Variants in SKOR2 observed in about 807,000 individuals in gnomAD.
The protein encoded by SKOR2 is LBX1 corepressor 1-like protein.
Under a neutral mutation model 69.1 loss-of-function variants are expected in SKOR2, and 47 were observed. The ratio of observed to expected loss-of-function variants is 0.68; its 90% CI spans 0.54 to 0.87. The LOEUF is 0.87. Ranked by LOEUF, SKOR2 falls within the 40% of genes least tolerant of loss-of-function variation. The pLI, the probability that SKOR2 is intolerant of heterozygous loss-of-function variation, is 0.00. For missense variants in SKOR2, 1,404 were observed against 1,472.2 expected, an observed-to-expected ratio of 0.95 and a Z score of 0.76; for synonymous variants, 717 against 672.6, an observed-to-expected ratio of 1.07 and a Z score of -1.02.
At chr18:47,235,780 C>CAAAAAAAAAAAAAAAAAAAAAA (rs11433396) in intron 4 of SKOR2, among the ~76,000 whole-genome samples, 4 of 59,278 alleles carry the variant, frequency 6.7e-5, no homozygotes, top group Non-Finnish European at 7.3e-5. Context: ...CACAAACAAG[C>CAAAAAAAAAAAAAAAAAAAAAA]AAAAAAAAAA....
chr18:47,215,859 A>G (rs1379531516), intron 7 of SKOR2, among the ~76,000 whole-genome samples: 4 of 152,184 alleles, frequency 2.6e-5, no homozygotes, highest in Non-Finnish European at 5.9e-5. Context: ...CAGCATCACA[A>G]CGTTCTCCAA....
Position 47,247,734 on chromosome 18 carries a change from A to G in SKOR2, c.1450T>C (p.Tyr484His). 7.3e-7 allele frequency: 1 copy of G among 1,364,724 alleles called. No individual in the cohort carries two copies. Among genetic ancestry groups the G allele is most frequent in the Non-Finnish European group, 9.3e-7 (1 of 1,069,654 alleles). The allele number at this position is 1,364,724 out of a possible 1,614,324, so 84.5% of individuals were successfully genotyped here. ...GGCGGCTGAGGCGGGGGCTGCAGGT[A>G]GGTGGGCACCGGGAGCCCGCCAGGG... ...RTPGGLPVPT[Y>H]LQPPPQPPSA... Residue 484 changes from tyrosine to histidine, a missense_variant, in exon 2 of 9, where the codon TAC (tyrosine) becomes CAC (histidine). By Grantham distance (83) the Tyr-to-His change is moderately conservative. Around this residue, in one of 3 missense-constraint regions of SKOR2, gnomAD observed 1,266 missense variants for 1,309.9 expected, o/e 0.97. Coordinates refer to ENST00000425639, the MANE Select transcript of SKOR2 (RefSeq NM_001278063.4). This position sits in a 1 kb window ranked among gnomAD's most constrained non-coding sequence, Gnocchi z 6.6.
At chr18:47,230,391 T>C (rs2064193089) in intron 6 of SKOR2, 68 bp downstream of exon 6, 1 of 945,732 alleles carries the variant, frequency 1.1e-6, no homozygotes, top group African/African-American at 1.7e-5. Context: ...TAGAATCACA[T>C]TCTTAAGCCT....
chr18:47,230,687 A>G (rs553816092), intron 5 of SKOR2, 130 bp from the exon 6 acceptor site: 2 of 674,634 alleles, frequency 3.0e-6, no homozygotes, highest in Admixed American at 3.4e-5. Context: ...TAGACATAGG[A>G]TAGATTTTGT....
In SKOR2 at chr18:47,249,130, C is replaced by G. The variant is rs1422655854; in HGVS notation, c.54G>C (p.Ser18=). The G allele has an allele frequency of 6.5e-7, 1 of 1,535,786 alleles. No individual in the cohort carries two copies. Among genetic ancestry groups the G allele is most frequent in the Non-Finnish European group, 8.7e-7 (1 of 1,146,744 alleles). ...TCAGCGTGTCGGGCTGGAAGGCGCTCGACGGCGACGCCAGCAGGATGTCGT... is the reference window on the plus strand; with the variant it reads ...TCAGCGTGTCGGGCTGGAAGGCGCTGGACGGCGACGCCAGCAGGATGTCGT... ...GPNDILLASP[S]SAFQPDTLSQ... The change falls in exon 2 of 9, where the codon TCG becomes TCC. Residue 18 remains serine (S), a synonymous_variant. Coordinates refer to ENST00000425639, the MANE Select transcript of SKOR2 (RefSeq NM_001278063.4).
chr18:47,211,973 A>C, intron 8 of SKOR2, 113 bp downstream of exon 8: 1 of 989,284 alleles, frequency 1.0e-6, no homozygotes. Context: ...ACTCAAACAC[A>C]GGATGCAACT....
At chr18:47,235,195 T>C (rs1380336726) in intron 4 of SKOR2, among the ~76,000 whole-genome samples, 1 of 151,954 alleles carries the variant, frequency 6.6e-6, no homozygotes, top group African/African-American at 2.4e-5. Flanking sequence ...ACTCTGTCTG[T>C]ACAAAAAAGA....
At position 47,227,326 on chromosome 18, in the gene SKOR2, A is replaced by ATTTTTTTTTTT. The variant is rs778462203; in HGVS notation, c.2917+3122_2917+3132dup. Among the ~76,000 whole-genome samples the ATTTTTTTTTTT allele has an allele frequency of 2.2e-5, 2 of 91,132 alleles. 1 individual carries two copies. The highest frequency in any genetic ancestry group is 6.9e-4 in the South Asian group (2 of 2,910). 59.8% of individuals were successfully genotyped at this position (91,132 alleles called of 152,430 possible). ...CCCTTGGAACCACGACAAGAAGCCA[A>ATTTTTTTTTTT]TTTTTTTTTTTTTTTTTTTTTTTTT... On this transcript the variant is annotated intron_variant, in intron 6 of 8. Transcript: ENST00000425639.
rs201429473 is a variant in SKOR2 at position 47,251,161 on chromosome 18, T to C, written c.-48+213A>G. Among the ~76,000 whole-genome samples, 126 of 152,130 alleles carry C rather than the reference T, an allele frequency of 8.3e-4. 1 individual carries two copies. In the East Asian group the frequency reaches 0.012, roughly 15 times the overall value. ...GGGAGAAGAGACAATTAAAAGTTAG[T>C]TGAACTGAGAAAGGAACCTGGTGAA... On this transcript the variant is annotated intron_variant, in intron 1 of 8. Coordinates refer to ENST00000425639, the MANE Select transcript of SKOR2 (RefSeq NM_001278063.4).
intron 6 of SKOR2, among the ~76,000 whole-genome samples, chr18:47,227,500 T>G (rs1055986906): frequency 2.6e-5 from 4 of 151,920 alleles, no homozygotes; most frequent in Non-Finnish European, 4.4e-5. Flanking sequence ...CAGCTAATTT[T>G]TTATATTTCT....
At position 47,245,550 on chromosome 18, in the gene SKOR2, A is replaced by C; in HGVS notation, c.2625T>G (p.Thr875=). 1 of 1,420,436 alleles carries C rather than the reference A, an allele frequency of 7.0e-7. No individual in the cohort carries two copies. The highest frequency in any genetic ancestry group is 9.2e-7 in the Non-Finnish European group (1 of 1,088,954). The allele number at this position is 1,420,436 out of a possible 1,614,324, so 88.0% of individuals were successfully genotyped here. A position where few individuals can be genotyped will look rare whatever the true frequency, so the allele number is the denominator to read the frequency against. Residue 875 remains threonine, a synonymous_variant, in exon 3 of 9, where the codon ACT becomes ACG. Coordinates refer to ENST00000425639, the MANE Select transcript of SKOR2 (RefSeq NM_001278063.4). ...ATACAATTACTTGGTTATTTTCCTT[A>C]GTTTTCTGACTCTGTGTGGAAAAGA... ...EQPSYKDSQK[T]KENNQVIVST... is the part of the protein sequence containing the mutation.
chr18:47,225,590 G>C (rs1176654585), intron 6 of SKOR2, among the ~76,000 whole-genome samples: 1 of 152,102 alleles, frequency 6.6e-6, no homozygotes, highest in Non-Finnish European at 1.5e-5. Flanking sequence ...AGAGTAACAC[G>C]AGTGAAACAG....
chr18:47,244,379 A>G (rs1023819118), intron 4 of SKOR2, among the ~76,000 whole-genome samples: 2 of 152,226 alleles, frequency 1.3e-5, no homozygotes, highest in Admixed American at 1.3e-4. Flanking sequence ...AGACACTGCA[A>G]TAGACAACTT....
chr18:47,208,277 G>A (rs911214884), intron 8 of SKOR2, among the ~76,000 whole-genome samples: 1 of 152,184 alleles, frequency 6.6e-6, no homozygotes, highest in African/African-American at 2.4e-5. Context: ...TGACTCCTCT[G>A]AGCCTCAGTT....
Position 47,246,796 on chromosome 18 carries a change from C to A in SKOR2, c.2388G>T (p.Lys796Asn), listed in dbSNP as rs778535090. 6.4e-6 allele frequency: 9 copies of A among 1,414,502 alleles called. No individual in the cohort carries two copies. The allele number at this position is 1,414,502 out of a possible 1,614,324, so 87.6% of individuals were successfully genotyped here. A position where few individuals can be genotyped will look rare whatever the true frequency, so the allele number is the denominator to read the frequency against. Reference protein sequence around the residue: ...RFLQGRGPSEKGSSRDRAPAV... With the variant: ...RFLQGRGPSENGSSRDRAPAV... ...CCGGCGCGCGGTCCCGGCTGCTCCC[C>A]TTCTCCGACGGCCCTCGGCCCTGGA... Residue 796 changes from lysine to asparagine, a missense_variant, in exon 2 of 9, where the codon AAG becomes AAT. Transcript: ENST00000425639.
chr18:47,207,130 T>C (rs2064115491), intron 8 of SKOR2, among the ~76,000 whole-genome samples: 1 of 152,078 alleles, frequency 6.6e-6, no homozygotes, highest in African/African-American at 2.4e-5. Context: ...CTGGGGTTTG[T>C]TGTAGGGCAA....
chr18:47,249,208 G>C lies in SKOR2; in HGVS notation c.-25C>G. On this transcript the variant is annotated 5_prime_UTR_variant, in exon 2 of 9. Coordinates refer to ENST00000425639, the MANE Select transcript of SKOR2 (RefSeq NM_001278063.4). ...TCTCCGCCGCAGAACCCCGGGCCGA[G>C]CCCTACAGGTCTGCCTTGGACACTG... 3.9e-6 allele frequency: 6 copies of C among 1,528,396 alleles called. No individual in the cohort carries two copies. Among genetic ancestry groups the C allele is most frequent in the Non-Finnish European group, 5.2e-6 (6 of 1,143,038 alleles). 94.7% of individuals were successfully genotyped at this position (1,528,396 alleles called of 1,614,324 possible).
chr18:47,241,414 A>G (rs2684844), intron 4 of SKOR2, among the ~76,000 whole-genome samples: 14,503 of 152,158 alleles, frequency 0.095, 798 homozygotes, highest in East Asian at 0.14. Flanking sequence ...GGATCTGACC[A>G]CAAGTAAATA....
chr18:47,208,756 C>A (rs1282786776), intron 8 of SKOR2, among the ~76,000 whole-genome samples: 1 of 152,064 alleles, frequency 6.6e-6, no homozygotes, highest in Non-Finnish European at 1.5e-5. Context: ...ATAATGCCTG[C>A]AACATTTTGA....
Sources: gnomAD v4.1 joint callset for allele counts (sites outside exome capture counted in the v4.1 genomes callset) on GRCh38, gnomAD v4.1.1 for gene constraint, gnomAD v4.1.1 regional missense constraint, Gnocchi (gnomAD v3.1) non-coding constraint, MANE v1.5 for transcripts, NCBI Gene and HGNC (gene_info 2026-07-23, HGNC 2026-07-21) for gene names.